The following TRIP12 variants were observed in gnomAD, a reference collection of about 807,000 sequenced individuals.
The protein encoded by TRIP12 is thyroid hormone receptor interactor 12, also known as E3 ubiquitin-protein ligase TRIP12.
In TRIP12, 25 loss-of-function variants were observed where a neutral mutation model predicts 244.2. The ratio of observed to expected loss-of-function variants is 0.10; its 90% confidence interval spans 0.07 to 0.14. The LOEUF is 0.14. Among genes scored for constraint, TRIP12 ranks in the 10% least tolerant of loss-of-function variants. The pLI is 1.00. For synonymous variants in TRIP12, 905 were observed against 873.1 expected, an observed-to-expected ratio of 1.04 and a Z score of -0.64; for missense variants, 1,677 against 2,486.4, an observed-to-expected ratio of 0.67 and a Z score of 6.92.
intron 5 of TRIP12, among the ~76,000 whole-genome samples, chr2:229,838,575 G>A (rs2055465387): frequency 1.3e-5 from 2 of 152,108 alleles, no homozygotes; most frequent in South Asian, 4.2e-4. Context: ...GAACAGCAGG[G>A]CAAGCAAGAC....
intron 4 of TRIP12, among the ~76,000 whole-genome samples, chr2:229,857,910 T>C (rs1036117744): frequency 1.3e-5 from 2 of 152,216 alleles, no homozygotes; most frequent in African/African-American, 4.8e-5. Flanking sequence ...CACAGAGTAG[T>C]GTATATAAGA....
At chr2:229,864,324 A>C (rs1485405524) in intron 2 of TRIP12, among the ~76,000 whole-genome samples, 1 of 152,166 alleles carries the variant, frequency 6.6e-6, no homozygotes, top group Admixed American at 6.5e-5. Flanking sequence ...TCCACTTGAG[A>C]CTTATTTTTG....
chr2:229,878,459 G>GAAAAC (rs1576527197), intron 2 of TRIP12, among the ~76,000 whole-genome samples: 2 of 146,942 alleles, frequency 1.4e-5, no homozygotes, highest in East Asian at 4.0e-4. Flanking sequence ...AAAAAAAAAA[G>GAAAAC]AAAACAAAAC....
chr2:229,799,059 G>A lies in TRIP12; in HGVS notation c.3308-10C>T, dbSNP rs768358276. ...GTGGTGGGGCTTTTAGCTATGAAAA[G>A]AAAAAAGAACTACAGTTAAGTCATT... is the stretch of plus-strand genomic sequence containing the variant. On this transcript the variant is annotated splice_polypyrimidine_tract_variant and intron_variant, in intron 22 of 41. Coordinates refer to ENST00000675903, the MANE Select transcript of TRIP12 (RefSeq NM_001348323.3). The A allele has an allele frequency of 6.9e-6, 11 of 1,605,240 alleles. No homozygotes were observed. In the Admixed American group the frequency reaches 1.0e-4, roughly 15 times the overall value.
At chr2:229,801,613 T>C (rs980487993) in intron 21 of TRIP12, among the ~76,000 whole-genome samples, 2 of 152,216 alleles carry the variant, frequency 1.3e-5, no homozygotes, top group Non-Finnish European at 2.9e-5. Flanking sequence ...AAAACACTTT[T>C]AGAGTGTGAT....
chr2:229,802,841 A>G (rs2044745312), intron 20 of TRIP12, among the ~76,000 whole-genome samples: 1 of 152,166 alleles, frequency 6.6e-6, no homozygotes, highest in Non-Finnish European at 1.5e-5. Context: ...ACCAAGAATC[A>G]GTTAACTTCA....
At chr2:229,843,831 T>C (rs192658162) in intron 4 of TRIP12, among the ~76,000 whole-genome samples, 13 of 151,396 alleles carry the variant, frequency 8.6e-5, no homozygotes, top group Non-Finnish European at 1.2e-4. Flanking sequence ...TCCAAGGCCA[T>C]AGATTACACT....
chr2:229,795,485 G>A lies in TRIP12; in HGVS notation c.3817-155C>T, dbSNP rs546363372. On this transcript the variant is annotated intron_variant, in intron 25 of 41. Transcript: ENST00000675903. ...GATTTGGTTTGAACGATGTTACCAC[G>A]TCAATTATTTCAATAAAGACAACTG... Among the ~76,000 whole-genome samples the A allele has an allele frequency of 6.6e-5, 10 of 152,168 alleles. No individual in the cohort carries two copies. In the East Asian group the frequency reaches 7.7e-4, roughly 12 times the overall value.
At chr2:229,864,045 AGAGTGTGTGTGT>A (rs2061003400) in intron 2 of TRIP12, among the ~76,000 whole-genome samples, 21 of 67,268 alleles carry the variant, frequency 3.1e-4, no homozygotes, top group African/African-American at 1.6e-4. Context: ...AGAGAGAGAG[AGAGTGTGTGTGT>A]GTGTGTGTGT....
chr2:229,807,703 A>G lies in TRIP12; in HGVS notation c.2496+5T>C, dbSNP rs1185960730. On this transcript the variant is annotated splice_donor_5th_base_variant and intron_variant, in intron 17 of 41. Coordinates refer to ENST00000675903, the MANE Select transcript of TRIP12 (RefSeq NM_001348323.3). ...CACATTTAAACGGTACGATGAAACT[A>G]CTACCTCAATGATCCGGCTGTCAAT... 2 of 1,614,140 alleles carry G rather than the reference A, an allele frequency of 1.2e-6. No homozygotes were observed. The highest frequency in any genetic ancestry group is 2.2e-5 in the South Asian group (2 of 91,070).
intron 3 of TRIP12, among the ~76,000 whole-genome samples, chr2:229,859,910 A>G (rs765933337): frequency 9.9e-5 from 15 of 152,210 alleles, no homozygotes; most frequent in Non-Finnish European, 1.5e-4. Flanking sequence ...TTGATGCCCT[A>G]TTCACAAGCA....
chr2:229,788,804 T>C lies in TRIP12; in HGVS notation c.4832A>G (p.Lys1611Arg), dbSNP rs750222694. The C allele has an allele frequency of 6.2e-7, 1 of 1,612,626 alleles. No homozygotes were observed. Among genetic ancestry groups the C allele is most frequent in the Non-Finnish European group, 8.5e-7 (1 of 1,179,688 alleles). ...ACAGAAGTGATTGTCTTACCAGGTTTTTCCTAGCTCAGTAAGCCATGTTGG... is the reference window on the plus strand; with the variant it reads ...ACAGAAGTGATTGTCTTACCAGGTTCTTCCTAGCTCAGTAAGCCATGTTGG... The part of the protein sequence containing the change: ...NIPTWLTELG[K>R]TCPFFFPFDT... Residue 1611 changes from lysine (K) to arginine (R), a missense_variant, in exon 32 of 42, where the codon AAA becomes AGA. Physicochemically the swap from Lys to Arg is conservative, Grantham distance 26. Coordinates refer to ENST00000675903, the MANE Select transcript of TRIP12 (RefSeq NM_001348323.3).
At chr2:229,854,476 A>G (rs2059262532) in intron 4 of TRIP12, among the ~76,000 whole-genome samples, 1 of 152,190 alleles carries the variant, frequency 6.6e-6, no homozygotes. Context: ...ACTAAGCACT[A>G]TGCTAAGTCT....
At chr2:229,847,793 T>G (rs1435218229) in intron 4 of TRIP12, among the ~76,000 whole-genome samples, 1 of 152,338 alleles carries the variant, frequency 6.6e-6, no homozygotes, top group Admixed American at 6.5e-5. Context: ...CCCACACTTG[T>G]ACAGCTGGGT....
chr2:229,914,820 T>C (rs1577157080), intron 1 of TRIP12, among the ~76,000 whole-genome samples: 1 of 152,188 alleles, frequency 6.6e-6, no homozygotes, highest in South Asian at 2.1e-4. Context: ...GGCTTATAAA[T>C]AGCCTTCAAA....
chr2:229,788,728 T>C (rs2040695030), intron 32 of TRIP12, 70 bp downstream of exon 32: 1 of 1,552,686 alleles, frequency 6.4e-7, no homozygotes, highest in Non-Finnish European at 8.7e-7. Context: ...ACAATGTTTC[T>C]GTAACAAAAT....
At chr2:229,831,902 T>TTA (rs71045797) in intron 6 of TRIP12, among the ~76,000 whole-genome samples, 2 of 149,804 alleles carry the variant, frequency 1.3e-5, no homozygotes, top group African/African-American at 2.5e-5. Context: ...TTTTTTTTTT[T>TTA]AACACAGATG....
At chr2:229,802,852 A>T (rs1445145520) in intron 20 of TRIP12, among the ~76,000 whole-genome samples, 1 of 152,174 alleles carries the variant, frequency 6.6e-6, no homozygotes, top group Non-Finnish European at 1.5e-5. Context: ...GTTAACTTCA[A>T]GCGCTACAAA....
chr2:229,799,446 G>A (rs2043658234), intron 21 of TRIP12, 63 bp from the exon 22 acceptor site: 9 of 1,463,468 alleles, frequency 6.1e-6, no homozygotes, highest in Non-Finnish European at 8.6e-6. Flanking sequence ...TTCACTCACT[G>A]AAAAAGCAAA....
Sources: allele counts gnomAD v4.1 joint callset (sites outside exome capture counted in the v4.1 genomes callset), GRCh38; gene constraint gnomAD v4.1.1; transcripts MANE v1.5; gene names NCBI Gene and HGNC (gene_info 2026-07-23, HGNC 2026-07-21).